CEP85L: variants seen among roughly 807,000 people sequenced by gnomAD.
CEP85L encodes the protein centrosomal protein 85L.
CEP85L carries 60 observed loss-of-function variants against 100.3 expected under a neutral mutation model. That is an observed-to-expected ratio of 0.60 (90% CI 0.49 to 0.74). The LOEUF (loss-of-function observed/expected upper bound fraction) is 0.74, where lower values mean the gene tolerates loss of function less well. CEP85L is among the 30% of genes least tolerant of loss of function. The pLI is 0.00. For missense variants in CEP85L, 973 were observed against 936.2 expected (o/e 1.04, Z -0.51); for synonymous variants, 319 against 322.7 (o/e 0.99, Z 0.12).
At chr6:118,680,334 A>G (rs890818723) in intron 1 of CEP85L, among the ~76,000 whole-genome samples, 121 of 124,068 alleles carry the variant, frequency 9.8e-4, no homozygotes, top group African/African-American at 3.9e-3. Context: ...TTTTTTTGAC[A>G]AAGTTTATTT....
intron 2 of CEP85L, among the ~76,000 whole-genome samples, chr6:118,623,408 T>G (rs1183135706): frequency 1.3e-5 from 2 of 152,180 alleles, no homozygotes; most frequent in African/African-American, 4.8e-5. Flanking sequence ...AAAATCTTAC[T>G]TCATGAAATA....
In CEP85L at chr6:118,618,889, T is replaced by C. The variant is rs1288717273; in HGVS notation, c.232+13564A>G. On this transcript the variant is annotated intron_variant, in intron 2 of 12. Coordinates refer to ENST00000368491, the MANE Select transcript of CEP85L (RefSeq NM_001042475.3). Reference sequence around the variant, plus strand: ...TCAGTGGTGCCCCCGACCCAGGCCTTGCCACCCCAGAACAGATAGGACGCG... The same window carrying C: ...TCAGTGGTGCCCCCGACCCAGGCCTCGCCACCCCAGAACAGATAGGACGCG... Among the ~76,000 whole-genome samples the C allele has an allele frequency of 2.0e-5, 3 of 152,130 alleles. 1 individual carries two copies. Among genetic ancestry groups the C allele is most frequent in the Non-Finnish European group, 4.4e-5 (3 of 68,026 alleles).
intron 9 of CEP85L, 39 bp downstream of exon 9, chr6:118,480,357 G>A (rs769146194): frequency 9.1e-7 from 1 of 1,104,824 alleles, no homozygotes; most frequent in Non-Finnish European, 1.4e-6. Flanking sequence ...TATCCACATA[G>A]CATAGATTTC....
chr6:118,679,118 A>G (rs1017315400), intron 1 of CEP85L, among the ~76,000 whole-genome samples: 1 of 152,178 alleles, frequency 6.6e-6, no homozygotes, highest in African/African-American at 2.4e-5. Flanking sequence ...AGTCAATTCA[A>G]TTGTTACCTT....
chr6:118,555,979 T>TC (rs1421228216), intron 3 of CEP85L, among the ~76,000 whole-genome samples: 2 of 152,364 alleles, frequency 1.3e-5, no homozygotes, highest in Admixed American at 1.3e-4. Flanking sequence ...AAAGACATGA[T>TC]ATCATTCTTT....
chr6:118,618,979 G>A (rs149003085), intron 2 of CEP85L, among the ~76,000 whole-genome samples: 232 of 152,238 alleles, frequency 1.5e-3, no homozygotes, highest in African/African-American at 5.2e-3. Flanking sequence ...ATGGGTGCAC[G>A]GCAGAGGGCA....
chr6:118,629,136 A>G (rs1562322645), intron 2 of CEP85L, among the ~76,000 whole-genome samples: 1 of 151,992 alleles, frequency 6.6e-6, no homozygotes, highest in Non-Finnish European at 1.5e-5. Flanking sequence ...AGATGATTTA[A>G]AGTATACAGA....
chr6:118,662,485 G>A (rs1465076788), intron 1 of CEP85L, among the ~76,000 whole-genome samples: 2 of 151,380 alleles, frequency 1.3e-5, no homozygotes, highest in Non-Finnish European at 2.9e-5. Flanking sequence ...AGCCGAGATC[G>A]CGCCACTGCA....
chr6:118,568,146 C>T (rs1326653938), intron 2 of CEP85L, among the ~76,000 whole-genome samples: 1 of 152,208 alleles, frequency 6.6e-6, no homozygotes, highest in Non-Finnish European at 1.5e-5. Flanking sequence ...AGAGGCATCA[C>T]CTTTCCACAA....
intron 5 of CEP85L, among the ~76,000 whole-genome samples, 163 bp downstream of exon 5, chr6:118,511,135 A>T (rs1775941309): frequency 6.6e-6 from 1 of 152,134 alleles, no homozygotes; most frequent in Admixed American, 6.6e-5. Context: ...ATCTGGACAG[A>T]TGGAAGGCTG....
At chr6:118,571,742 C>T (rs1252391061) in intron 2 of CEP85L, among the ~76,000 whole-genome samples, 1 of 152,110 alleles carries the variant, frequency 6.6e-6, no homozygotes, top group Non-Finnish European at 1.5e-5. Context: ...AACCCTGTAT[C>T]AAAACACTGA....
At chr6:118,484,610 T>C (rs1420136815) in intron 6 of CEP85L, among the ~76,000 whole-genome samples, 7 of 152,218 alleles carry the variant, frequency 4.6e-5, no homozygotes, top group African/African-American at 1.2e-4. Flanking sequence ...AACAATGTTA[T>C]TGGGTGCCCA....
At chr6:118,538,165 C>A (rs979625694) in intron 3 of CEP85L, among the ~76,000 whole-genome samples, 2 of 152,086 alleles carry the variant, frequency 1.3e-5, no homozygotes, top group South Asian at 2.1e-4. Flanking sequence ...AACAAAAAAA[C>A]CATTCTATCA....
At chr6:118,500,868 T>G (rs777893648) in intron 5 of CEP85L, among the ~76,000 whole-genome samples, 15 of 152,220 alleles carry the variant, frequency 9.9e-5, no homozygotes, top group Non-Finnish European at 2.1e-4. Context: ...CTTGTTTGGA[T>G]AAACAGCTTG....
chr6:118,695,229 A>G (rs1021245991), intron 1 of CEP85L, among the ~76,000 whole-genome samples: 5 of 152,230 alleles, frequency 3.3e-5, no homozygotes, highest in African/African-American at 9.6e-5. Flanking sequence ...CCCCTGGTGG[A>G]TGCATCTTCT....
chr6:118,526,789 T>A (rs961311447), intron 3 of CEP85L, among the ~76,000 whole-genome samples: 1 of 152,188 alleles, frequency 6.6e-6, no homozygotes, highest in Non-Finnish European at 1.5e-5. Context: ...TAACATAGTT[T>A]ACAAAGGCCA....
intron 1 of CEP85L, among the ~76,000 whole-genome samples, chr6:118,695,342 C>T (rs949364322): frequency 1.3e-5 from 2 of 152,206 alleles, no homozygotes; most frequent in African/African-American, 4.8e-5. Flanking sequence ...GAGTCACCAA[C>T]TCCTACTTCC....
chr6:118,615,466 A>G (rs1368157054), intron 2 of CEP85L, among the ~76,000 whole-genome samples: 1 of 151,670 alleles, frequency 6.6e-6, no homozygotes, highest in Non-Finnish European at 1.5e-5. Flanking sequence ...TCTATGTCTC[A>G]CACTGTGCAA....
intron 2 of CEP85L, among the ~76,000 whole-genome samples, chr6:118,612,271 C>A (rs544027456): frequency 1.6e-4 from 24 of 151,562 alleles, no homozygotes; most frequent in African/African-American, 4.4e-4. Flanking sequence ...AAAAAAAAAA[C>A]CACACTGAAC....
Sources: allele counts gnomAD v4.1 joint callset (sites outside exome capture counted in the v4.1 genomes callset), GRCh38; gene constraint gnomAD v4.1.1; transcripts MANE v1.5; gene names NCBI Gene and HGNC (gene_info 2026-07-23, HGNC 2026-07-21).